Variants in PCDH15 observed in about 807,000 individuals in gnomAD.
The protein encoded by PCDH15 is protocadherin-15.
A neutral mutation model predicts 178.5 loss-of-function variants in PCDH15; 129 were observed. The observed-to-expected ratio is 0.72, with a 90% CI of 0.63 to 0.84. The LOEUF is 0.84. Ranked by LOEUF, PCDH15 falls within the 40% of genes least tolerant of loss-of-function variation. The pLI, the probability that PCDH15 is intolerant of heterozygous loss-of-function variation, is 0.00. For synonymous variants in PCDH15, 800 were observed against 732.0 expected (o/e 1.09, Z -1.50); for missense variants, 2,230 against 2,099.9 (o/e 1.06, Z -1.21).
intron 3 of PCDH15, among the ~76,000 whole-genome samples, chr10:54,858,418 C>G (rs1403134696): frequency 4.6e-5 from 7 of 152,146 alleles, no homozygotes; most frequent in Non-Finnish European, 8.8e-5. Flanking sequence ...TATTTTAAAT[C>G]CATTATCTGT....
At chr10:53,883,264 T>C (rs961408498) in intron 26 of PCDH15, among the ~76,000 whole-genome samples, 3 of 152,128 alleles carry the variant, frequency 2.0e-5, no homozygotes, top group East Asian at 3.9e-4. Context: ...TCCTATAGCT[T>C]TGTAATCCAT....
At chr10:54,982,534 CAT>C (rs1839262985) in intron 2 of PCDH15, among the ~76,000 whole-genome samples, 2 of 152,082 alleles carry the variant, frequency 1.3e-5, no homozygotes, top group Non-Finnish European at 2.9e-5. Context: ...ATTTACTACT[CAT>C]AATCTGATGA....
intron 4 of PCDH15, among the ~76,000 whole-genome samples, chr10:54,376,257 T>A (rs528056913): frequency 6.6e-6 from 1 of 151,822 alleles, no homozygotes; most frequent in African/African-American, 2.4e-5. Flanking sequence ...TGGGCAACAA[T>A]CAAAAGAATT....
intron 14 of PCDH15, among the ~76,000 whole-genome samples, chr10:54,145,184 T>C (rs979227442): frequency 6.6e-6 from 1 of 152,092 alleles, no homozygotes; most frequent in Non-Finnish European, 1.5e-5. Flanking sequence ...TTGGGAATGA[T>C]ATAATTATAA....
intron 5 of PCDH15, among the ~76,000 whole-genome samples, chr10:54,360,960 G>C (rs1183988269): frequency 6.6e-6 from 1 of 152,014 alleles, no homozygotes; most frequent in Non-Finnish European, 1.5e-5. Context: ...TCTTCATTTT[G>C]TTTGGTTATA....
intron 1 of PCDH15, among the ~76,000 whole-genome samples, chr10:54,674,908 A>T (rs1352702954): frequency 6.6e-6 from 1 of 152,020 alleles, no homozygotes; most frequent in Non-Finnish European, 1.5e-5. Context: ...TTGGTTCTTT[A>T]TGTTTGAGGG....
chr10:54,753,508 C>G (rs990320742), intron 1 of PCDH15, among the ~76,000 whole-genome samples: 1 of 151,526 alleles, frequency 6.6e-6, no homozygotes, highest in African/African-American at 2.4e-5. Flanking sequence ...AACAAACAAA[C>G]AAACAAAAAA....
intron 18 of PCDH15, among the ~76,000 whole-genome samples, chr10:54,056,911 C>T (rs1465269344): frequency 6.6e-6 from 1 of 151,976 alleles, no homozygotes; most frequent in Non-Finnish European, 1.5e-5. Flanking sequence ...AGAAATTGGC[C>T]AAAACAAAAG....
chr10:54,398,895 A>C (rs1207496254), intron 3 of PCDH15, among the ~76,000 whole-genome samples: 2 of 152,068 alleles, frequency 1.3e-5, no homozygotes, highest in African/African-American at 4.8e-5. Flanking sequence ...ATGTATACAA[A>C]CCTTAAAGTT....
chr10:53,896,496 C>A (rs2081961636), intron 26 of PCDH15, among the ~76,000 whole-genome samples: 1 of 152,034 alleles, frequency 6.6e-6, no homozygotes, highest in African/African-American at 2.4e-5. Flanking sequence ...TTTATAGCAC[C>A]CTTGTTGCAG....
chr10:54,832,929 G>C (rs1953249849), intron 3 of PCDH15, among the ~76,000 whole-genome samples: 1 of 152,074 alleles, frequency 6.6e-6, no homozygotes, highest in Admixed American at 6.6e-5. Context: ...TTGCAGGTAA[G>C]GAAACTAAGA....
chr10:55,338,704 G>A (rs911905893), intron 2 of PCDH15, among the ~76,000 whole-genome samples: 1 of 152,092 alleles, frequency 6.6e-6, no homozygotes, highest in African/African-American at 2.4e-5. Context: ...GGAGGGAGAT[G>A]GCAAATGTTG....
Position 54,180,698 on chromosome 10 carries a change from C to G in PCDH15, c.1590+2746G>C, listed in dbSNP as rs539358257. Among the ~76,000 whole-genome samples, 3 of 152,266 alleles carry G rather than the reference C, an allele frequency of 2.0e-5. No individual in the cohort carries two copies. In the East Asian group the frequency reaches 5.8e-4, roughly 29 times the overall value. On this transcript the variant is annotated intron_variant, in intron 13 of 37. Coordinates refer to ENST00000644397, the MANE Select transcript of PCDH15 (RefSeq NM_001384140.1). Reference sequence around the variant, plus strand: ...TTTAAAAATATTCTCTCAATGAGAACTAGTTTATGTCTAGGTTCTTGGAGG... The same window carrying G: ...TTTAAAAATATTCTCTCAATGAGAAGTAGTTTATGTCTAGGTTCTTGGAGG...
chr10:54,585,646 G>A (rs74136218), intron 2 of PCDH15: 4,155 of 163,444 alleles, frequency 0.025, 166 homozygotes, highest in African/African-American at 0.094. Flanking sequence ...GACTTGGTGG[G>A]GGAGGCGGTG....
At chr10:54,222,026 T>C (rs1007005547) in intron 9 of PCDH15, among the ~76,000 whole-genome samples, 19 of 152,228 alleles carry the variant, frequency 1.2e-4, no homozygotes, top group African/African-American at 4.6e-4. Flanking sequence ...GTTATTCTAT[T>C]GTATGGATAT....
At chr10:55,404,425 C>T (rs894496094) in intron 2 of PCDH15, among the ~76,000 whole-genome samples, 1 of 151,976 alleles carries the variant, frequency 6.6e-6, no homozygotes, top group Non-Finnish European at 1.5e-5. Flanking sequence ...CTGAGCGTCA[C>T]TAGCATAATT....
chr10:54,523,955 T>A (rs574232610), intron 3 of PCDH15, among the ~76,000 whole-genome samples: 1 of 152,284 alleles, frequency 6.6e-6, no homozygotes, highest in African/African-American at 2.4e-5. Context: ...AGAGAGCCCG[T>A]GTAAGGAAGA....
chr10:55,554,959 C>G (rs1478477158), intron 2 of PCDH15, among the ~76,000 whole-genome samples: 1 of 151,726 alleles, frequency 6.6e-6, no homozygotes, highest in East Asian at 1.9e-4. Flanking sequence ...CATGTTTTAC[C>G]CCTGAAAAGG....
chr10:54,386,161 G>A (rs976145095), intron 3 of PCDH15, among the ~76,000 whole-genome samples: 2 of 147,290 alleles, frequency 1.4e-5, no homozygotes, highest in African/African-American at 5.0e-5. Context: ...TTAGGGCAGG[G>A]ATGTCCAATA....
Sources: gnomAD v4.1 joint callset for allele counts (sites outside exome capture counted in the v4.1 genomes callset) on GRCh38, gnomAD v4.1.1 for gene constraint, MANE v1.5 for transcripts, NCBI Gene and HGNC (gene_info 2026-07-23, HGNC 2026-07-21) for gene names.